The following SNX8 variants were observed in gnomAD, a reference collection of about 807,000 sequenced individuals.
The protein encoded by SNX8 is sorting nexin 8.
SNX8 carries 25 observed loss-of-function variants against 51.6 expected under a neutral mutation model. The ratio of observed to expected loss-of-function variants is 0.48; its 90% confidence interval spans 0.35 to 0.68. The LOEUF (loss-of-function observed/expected upper bound fraction) is 0.68, where lower values mean the gene tolerates loss of function less well. Ranked by LOEUF, SNX8 falls within the 30% of genes least tolerant of loss-of-function variation. SNX8 has a pLI of 0.00. For synonymous variants in SNX8, 324 were observed against 277.0 expected, an observed-to-expected ratio of 1.17 and a Z score of -1.68; for missense variants, 695 against 624.0, an observed-to-expected ratio of 1.11 and a Z score of -1.21.
intron 1 of SNX8, chr7:2,308,040 T>G (rs1201155412): frequency 6.6e-6 from 1 of 152,106 alleles, no homozygotes; most frequent in Non-Finnish European, 1.5e-5. Context: ...GCAAATTGTG[T>G]ATGTGTGCGT....
At chr7:2,345,958 C>T (rs1184423713) in intron 1 of SNX8, among the ~76,000 whole-genome samples, 1 of 151,948 alleles carries the variant, frequency 6.6e-6, no homozygotes, top group Non-Finnish European at 1.5e-5. Flanking sequence ...TAGGCACCCA[C>T]CACCACTCCC....
intron 4 of SNX8, among the ~76,000 whole-genome samples, chr7:2,270,042 T>C (rs557803831): frequency 7.9e-5 from 12 of 152,022 alleles, no homozygotes; most frequent in South Asian, 2.1e-4. Context: ...AAAAACGCAA[T>C]AGAACAGGGC....
intron 1 of SNX8, among the ~76,000 whole-genome samples, chr7:2,295,310 T>A: frequency 6.8e-6 from 1 of 146,806 alleles, no homozygotes; most frequent in Non-Finnish European, 1.5e-5. Context: ...AGTCTGAGGC[T>A]CGAGAACTGC....
At chr7:2,324,802 C>T (rs1234582753) in intron 1 of SNX8, among the ~76,000 whole-genome samples, 3 of 151,994 alleles carry the variant, frequency 2.0e-5, no homozygotes, top group African/African-American at 4.8e-5. Context: ...CTTCTCAACA[C>T]TCTTCCTTTT....
At chr7:2,351,907 T>TG (rs1554271079) in intron 1 of SNX8, among the ~76,000 whole-genome samples, 1 of 100,198 alleles carries the variant, frequency 1.0e-5, no homozygotes, top group African/African-American at 3.0e-5. Context: ...TGTTGTTGGT[T>TG]TTTTTTTTTT....
intron 3 of SNX8, among the ~76,000 whole-genome samples, chr7:2,273,454 C>T (rs938270781): frequency 6.6e-6 from 1 of 151,270 alleles, no homozygotes; most frequent in Non-Finnish European, 1.5e-5. Flanking sequence ...GGCGTGGTGG[C>T]GGGCGCCTGT....
rs779374434 is a variant in SNX8 at position 2,255,084 on chromosome 7, G to A, written c.1370C>T (p.Pro457Leu). 76 of 1,577,848 alleles carry A rather than the reference G, an allele frequency of 4.8e-5. No homozygotes were observed. Among genetic ancestry groups the A allele is most frequent in the Non-Finnish European group, 5.9e-5 (69 of 1,162,444 alleles). Residue 457 changes from proline to leucine, a missense_variant, in exon 11 of 11, where the codon CCG becomes CTG. By Grantham distance (98) the Pro-to-Leu change is moderately conservative. Coordinates refer to ENST00000222990, the MANE Select transcript of SNX8 (RefSeq NM_013321.4). The part of the protein sequence containing the change: ...PHSTLTPPCS[P>L]PEDGLCPH ...GTGAGGACACAGGCCGTCCTCCGGC[G>A]GGGAGCACGGTGGGGTCAGGGTGCT...
At chr7:2,328,550 C>T (rs1383548508) in intron 1 of SNX8, among the ~76,000 whole-genome samples, 1 of 152,082 alleles carries the variant, frequency 6.6e-6, no homozygotes, top group East Asian at 1.9e-4. Flanking sequence ...CGGTGGTTCA[C>T]GCCTGTAATC....
intron 2 of SNX8, 23 bp from the exon 3 acceptor site, chr7:2,275,252 T>C (rs1309293199): frequency 4.6e-6 from 7 of 1,521,254 alleles, no homozygotes; most frequent in Non-Finnish European, 9.1e-7. Context: ...GGTCGGTGCT[T>C]AGATCCGACG....
chr7:2,287,448 G>A (rs1221691429), intron 1 of SNX8, among the ~76,000 whole-genome samples: 6 of 151,864 alleles, frequency 4.0e-5, no homozygotes, highest in South Asian at 2.1e-4. Flanking sequence ...GTGTGGTGGC[G>A]CATGCCTGTA....
intron 1 of SNX8, among the ~76,000 whole-genome samples, chr7:2,346,654 G>A (rs1169966885): frequency 1.4e-5 from 2 of 144,094 alleles, no homozygotes; most frequent in Non-Finnish European, 3.0e-5. Flanking sequence ...GCTGAGGCAG[G>A]AGAATGGCGT....
In SNX8 at chr7:2,349,536, C is replaced by G. The variant is rs528645891; in HGVS notation, c.-66+4686G>C. ...GCTCACTGCAATCTCTACCCCCACC[C>G]CATGTTCAAGCGATTCTCCTGCCTC... On this transcript the variant is annotated intron_variant, in intron 1 of 5. Transcript: ENST00000435336. Among the ~76,000 whole-genome samples, 6 of 151,510 alleles carry G rather than the reference C, an allele frequency of 4.0e-5. No individual in the cohort carries two copies. In the East Asian group the frequency reaches 9.8e-4, roughly 25 times the overall value.
chr7:2,319,108 A>C (rs1796796560), upstream of SNX8, among the ~76,000 whole-genome samples: 1 of 140,104 alleles, frequency 7.1e-6, no homozygotes, highest in Admixed American at 7.1e-5. Context: ...GGAGGCCGAG[A>C]CCAGCAGATC....
At chr7:2,310,202 C>A (rs1056568655) in intron 1 of SNX8, among the ~76,000 whole-genome samples, 3 of 152,086 alleles carry the variant, frequency 2.0e-5, no homozygotes, top group African/African-American at 7.2e-5. Flanking sequence ...CACTCACTGC[C>A]GTTCTCGCTG....
chr7:2,316,038 C>T (rs1183623711), upstream of SNX8, among the ~76,000 whole-genome samples: 1 of 150,064 alleles, frequency 6.7e-6, no homozygotes, highest in Non-Finnish European at 1.5e-5. Flanking sequence ...CACCCACTCA[C>T]TGCATCCTGC....
intron 1 of SNX8, among the ~76,000 whole-genome samples, chr7:2,309,520 T>C (rs1796617932): frequency 6.6e-6 from 1 of 151,340 alleles, no homozygotes; most frequent in Non-Finnish European, 1.5e-5. Flanking sequence ...TCACCTGAGG[T>C]TGGGAGTTCG....
At chr7:2,347,593 A>G (rs552401596) in intron 1 of SNX8, among the ~76,000 whole-genome samples, 182 of 144,566 alleles carry the variant, frequency 1.3e-3, no homozygotes, top group Non-Finnish European at 2.2e-3. Context: ...AGTTCAGATG[A>G]TTTGGGGCCA....
Position 2,271,844 on chromosome 7 carries a change from ACT to A in SNX8, c.540+4_540+5del. The stretch of plus-strand genomic sequence containing the variant: ...GCCGGGACATGGGCAGGGCAGACAC[ACT>A]CACCGAGCCGCTGAAGGACAGGAAG... On this transcript the variant is annotated splice_donor_5th_base_variant and intron_variant, in intron 4 of 10. Coordinates refer to ENST00000222990, the MANE Select transcript of SNX8 (RefSeq NM_013321.4). The A allele has an allele frequency of 6.3e-7, 1 of 1,598,962 alleles. No individual in the cohort carries two copies. Among genetic ancestry groups the A allele is most frequent in the South Asian group, 1.1e-5 (1 of 89,048 alleles).
In SNX8 at chr7:2,253,106, G is replaced by A. The variant is rs969722005; in HGVS notation, c.*1950C>T. On this transcript the variant is annotated 3_prime_UTR_variant, in exon 11 of 11. Coordinates refer to ENST00000222990, the MANE Select transcript of SNX8 (RefSeq NM_013321.4). ...CTCAGCCTCTGGACATGAGGACCCT[G>A]AGACCCTGCTCTTGAAGTTTCCAAC... 1.1e-4 allele frequency: 17 copies of A among 155,036 alleles called. No individual in the cohort carries two copies. The highest frequency in any genetic ancestry group is 2.2e-4 in the Non-Finnish European group (15 of 68,752). 9.6% of individuals were successfully genotyped at this position (155,036 alleles called of 1,614,324 possible). A position where few individuals can be genotyped will look rare whatever the true frequency, so the allele number is the denominator to read the frequency against.
Sources: allele counts gnomAD v4.1 joint callset (sites outside exome capture counted in the v4.1 genomes callset), GRCh38; gene constraint gnomAD v4.1.1; transcripts MANE v1.5; gene names NCBI Gene and HGNC (gene_info 2026-07-23, HGNC 2026-07-21).